Variants in ELAVL2 observed in about 807,000 individuals in gnomAD.
ELAVL2 encodes ELAV like RNA binding protein 2.
ELAVL2 carries 4 observed loss-of-function variants against 34.6 expected under a neutral mutation model. That is an observed-to-expected ratio of 0.12 (90% CI 0.06 to 0.26). The LOEUF (loss-of-function observed/expected upper bound fraction) is 0.26. Among genes scored for constraint, ELAVL2 ranks in the 10% least tolerant of loss-of-function variants. The probability of loss-of-function intolerance (pLI) is 1.00; values close to 1 mark genes in which losing one functional copy is unlikely to be tolerated. For synonymous variants in ELAVL2, 193 were observed against 154.8 expected, an observed-to-expected ratio of 1.25 and a Z score of -1.83; for missense variants, 432 against 442.8, an observed-to-expected ratio of 0.98 and a Z score of 0.22.
intron 2 of ELAVL2, among the ~76,000 whole-genome samples, chr9:23,732,601 T>C (rs946573227): frequency 1.3e-5 from 2 of 152,216 alleles, no homozygotes; most frequent in East Asian, 1.9e-4. Flanking sequence ...GCATGCATTG[T>C]GCCCCTCTTA....
At chr9:23,813,318 G>A (rs148387265) in intron 1 of ELAVL2, among the ~76,000 whole-genome samples, 2 of 152,066 alleles carry the variant, frequency 1.3e-5, no homozygotes, top group Admixed American at 6.6e-5. Context: ...CTTCTGGAGT[G>A]GGGGAGAAAA....
At chr9:23,788,150 T>C (rs570376163) in intron 1 of ELAVL2, among the ~76,000 whole-genome samples, 1 of 152,082 alleles carries the variant, frequency 6.6e-6, no homozygotes, top group South Asian at 2.1e-4. Context: ...TTTAGGAAAA[T>C]AAGGAAAAAA....
chr9:23,805,452 T>A (rs1588677811), intron 1 of ELAVL2, among the ~76,000 whole-genome samples: 1 of 152,286 alleles, frequency 6.6e-6, no homozygotes, highest in East Asian at 1.9e-4. Context: ...AGGTCTTCAA[T>A]GAAGGGTTGC....
chr9:23,776,162 T>C (rs1253985375), intron 1 of ELAVL2, among the ~76,000 whole-genome samples: 4 of 152,140 alleles, frequency 2.6e-5, no homozygotes, highest in East Asian at 1.9e-4. Flanking sequence ...AAGAGGAAGG[T>C]AGACTGTCAA....
chr9:23,810,128 T>C (rs2062785080), intron 1 of ELAVL2, among the ~76,000 whole-genome samples: 1 of 152,158 alleles, frequency 6.6e-6, no homozygotes, highest in Non-Finnish European at 1.5e-5. Flanking sequence ...CACCTTTTTC[T>C]TGATTTTAAC....
chr9:23,801,885 A>G (rs891896374), intron 1 of ELAVL2, among the ~76,000 whole-genome samples: 5 of 152,336 alleles, frequency 3.3e-5, no homozygotes, highest in African/African-American at 1.2e-4. Context: ...CGCTGCAAAT[A>G]GGAATTGACA....
At chr9:23,725,380 C>G (rs1216059339) in intron 3 of ELAVL2, among the ~76,000 whole-genome samples, 3 of 152,140 alleles carry the variant, frequency 2.0e-5, no homozygotes, top group African/African-American at 7.2e-5. Context: ...ACTTCCATGC[C>G]CTACTAAAGT....
chr9:23,821,067 G>A (rs1213987862), intron 1 of ELAVL2, among the ~76,000 whole-genome samples: 1 of 152,166 alleles, frequency 6.6e-6, no homozygotes, highest in Non-Finnish European at 1.5e-5. Flanking sequence ...GCGCGAAGGC[G>A]CCGTAGCAAG....
chr9:23,804,237 GATCTCGGCTC>G (rs953573424), intron 1 of ELAVL2, among the ~76,000 whole-genome samples: 1 of 151,066 alleles, frequency 6.6e-6, no homozygotes, highest in African/African-American at 2.4e-5. Context: ...GCAATGGCAT[GATCTCGGCTC>G]ACAGCAACCT....
At chr9:23,713,115 G>A (rs2041419999) in intron 3 of ELAVL2, among the ~76,000 whole-genome samples, 1 of 152,186 alleles carries the variant, frequency 6.6e-6, no homozygotes, top group Non-Finnish European at 1.5e-5. Flanking sequence ...TTTTAGTAAA[G>A]TACAACTGGT....
chr9:23,747,363 C>A (rs1020520246), intron 2 of ELAVL2, among the ~76,000 whole-genome samples: 1 of 152,018 alleles, frequency 6.6e-6, no homozygotes, highest in Non-Finnish European at 1.5e-5. Context: ...TATTTTAACA[C>A]TATGGTTGAC....
chr9:23,723,412 G>T (rs2044250055), intron 3 of ELAVL2, among the ~76,000 whole-genome samples: 1 of 151,854 alleles, frequency 6.6e-6, no homozygotes, highest in African/African-American at 2.4e-5. Flanking sequence ...CACACCCTGG[G>T]GACTGTTGTG....
At chr9:23,849,320 G>C in the ELAVL2 span, among the ~76,000 whole-genome samples, 1 of 152,128 alleles carries the variant, frequency 6.6e-6, no homozygotes, top group Admixed American at 6.5e-5. Context: ...CCTTTCTCCA[G>C]CCTCAAACCT....
Position 23,726,589 on chromosome 9 carries a change from G to T in ELAVL2, c.333+4433C>A, listed in dbSNP as rs564945175. On this transcript the variant is annotated intron_variant, in intron 3 of 6. Coordinates refer to ENST00000397312, the MANE Select transcript of ELAVL2 (RefSeq NM_004432.5). ...AATAAAGCATCCTAGGCCCATTGTA[G>T]AGGAGGGAAAAGCTGAGAGAGATGC... Among the ~76,000 whole-genome samples, 3 of 152,150 alleles carry T rather than the reference G, an allele frequency of 2.0e-5. No homozygotes were observed. The East Asian group carries it at 5.8e-4, about 29-fold the overall frequency.
chr9:23,717,508 T>C (rs145244274), intron 3 of ELAVL2, among the ~76,000 whole-genome samples: 3,045 of 152,338 alleles, frequency 0.02, 52 homozygotes, highest in Non-Finnish European at 0.035. Context: ...CTTTATGGTG[T>C]TCAGATGTAA....
the ELAVL2 span, chr9:23,831,650 G>A: frequency 6.6e-6 from 1 of 152,298 alleles, no homozygotes; most frequent in African/African-American, 2.4e-5. Context: ...AATGTAGAGA[G>A]AAGCCCAGAT....
In ELAVL2 at chr9:23,767,724, G is replaced by C. The variant is rs544401002; in HGVS notation, c.-15-5475C>G. 4.6e-5 allele frequency among the ~76,000 whole-genome samples: 7 copies of C among 152,262 alleles called. No individual in the cohort carries two copies. In the East Asian group the frequency reaches 1.4e-3, roughly 29 times the overall value. ...GGAGGGGGAGGTTGCAGTCAGCAGAGATCACACCACTTCACTCCATCCTGG... is the reference window on the plus strand; with the variant it reads ...GGAGGGGGAGGTTGCAGTCAGCAGACATCACACCACTTCACTCCATCCTGG... On this transcript the variant is annotated intron_variant, in intron 1 of 6. Transcript: ENST00000397312.
intron 2 of ELAVL2, among the ~76,000 whole-genome samples, chr9:23,736,278 T>TA (rs1024256029): frequency 5.3e-5 from 8 of 151,998 alleles, no homozygotes; most frequent in Non-Finnish European, 7.4e-5. Context: ...ATTTTGTATT[T>TA]AAAAAAAACA....
At chr9:23,772,534 C>CAAAAAAA (rs11450267) in intron 1 of ELAVL2, among the ~76,000 whole-genome samples, 5 of 67,648 alleles carry the variant, frequency 7.4e-5, no homozygotes, top group East Asian at 5.0e-4. Context: ...CAGCTTACAC[C>CAAAAAAA]AAAAAAAAAA....
Sources: gnomAD v4.1 joint callset for allele counts (sites outside exome capture counted in the v4.1 genomes callset) on GRCh38, gnomAD v4.1.1 for gene constraint, MANE v1.5 for transcripts, NCBI Gene and HGNC (gene_info 2026-07-23, HGNC 2026-07-21) for gene names.